The following COPA variants were observed in gnomAD, a reference collection of about 807,000 sequenced individuals.
COPA encodes coat protein complex I subunit alpha.
COPA carries 10 observed loss-of-function variants against 158.7 expected under a neutral mutation model. The observed-to-expected ratio is 0.06, with a 90% CI of 0.04 to 0.11. The LOEUF (loss-of-function observed/expected upper bound fraction) is 0.11. Ranked by LOEUF, COPA falls within the 10% of genes least tolerant of loss-of-function variation. COPA has a pLI of 1.00. For synonymous variants in COPA, 462 were observed against 542.8 expected (o/e 0.85, Z 2.07); for missense variants, 1,065 against 1,536.7 (o/e 0.69, Z 5.13).
In COPA at chr1:160,306,533, TG is replaced by T. The variant is rs763728644; in HGVS notation, c.1303-41del. 8.7e-6 allele frequency: 14 copies of T among 1,610,224 alleles called. No homozygotes were observed. The South Asian group carries it at 1.5e-4, about 18-fold the overall frequency. Reference sequence around the variant, plus strand: ...AAAGATGGGGTTAAGAGAAGAAATGTGTATAGATGATGATGACAACTGATGA... The same window carrying T: ...AAAGATGGGGTTAAGAGAAGAAATGTTATAGATGATGATGACAACTGATGA... On this transcript the variant is annotated intron_variant, in intron 14 of 32. Coordinates refer to ENST00000241704, the MANE Select transcript of COPA (RefSeq NM_004371.4).
intron 3 of COPA, among the ~76,000 whole-genome samples, chr1:160,335,894 A>C (rs1042787766): frequency 5.3e-5 from 8 of 151,700 alleles, no homozygotes; most frequent in Non-Finnish European, 1.5e-5. Context: ...AAAAAAAAAA[A>C]AAAAAAAAAA....
intron 17 of COPA, among the ~76,000 whole-genome samples, chr1:160,301,158 T>TA (rs891886011): frequency 1.3e-5 from 2 of 151,208 alleles, no homozygotes; most frequent in African/African-American, 2.4e-5. Flanking sequence ...TCAAAAAAAA[T>TA]AAAAAATAAA....
intron 23 of COPA, 38 bp downstream of exon 23, chr1:160,295,698 C>T (rs753605757): frequency 6.4e-7 from 1 of 1,561,054 alleles, no homozygotes; most frequent in Non-Finnish European, 8.6e-7. Context: ...CTTCACAAAA[C>T]AAACAACAAA....
At chr1:160,301,953 C>T (rs1658619853) in intron 17 of COPA, among the ~76,000 whole-genome samples, 1 of 151,698 alleles carries the variant, frequency 6.6e-6, no homozygotes, top group African/African-American at 2.4e-5. Flanking sequence ...ATAATTCTAA[C>T]ACACTGAAAG....
chr1:160,338,445 A>G (rs904779559), intron 3 of COPA, among the ~76,000 whole-genome samples: 1 of 152,206 alleles, frequency 6.6e-6, no homozygotes, highest in Non-Finnish European at 1.5e-5. Context: ...TTGCTTATGA[A>G]AAGACTTTAC....
chr1:160,318,697 CA>C (rs1490280353), intron 8 of COPA, among the ~76,000 whole-genome samples: 2 of 151,818 alleles, frequency 1.3e-5, no homozygotes, highest in Admixed American at 1.3e-4. Context: ...AAGAGATAGT[CA>C]AAAAGGCAGG....
chr1:160,320,757 A>G (rs1198118475), intron 8 of COPA, among the ~76,000 whole-genome samples: 3 of 149,768 alleles, frequency 2.0e-5, no homozygotes, highest in Non-Finnish European at 3.0e-5. Context: ...TCTACCAAAC[A>G]TTTAAAGAAT....
At chr1:160,342,070 C>T (rs1648094147) in intron 1 of COPA, among the ~76,000 whole-genome samples, 1 of 151,772 alleles carries the variant, frequency 6.6e-6, no homozygotes, top group Admixed American at 6.6e-5. Flanking sequence ...TGATAACAAC[C>T]TCCAGTTTTT....
intron 13 of COPA, among the ~76,000 whole-genome samples, chr1:160,308,777 A>G (rs1658872593): frequency 6.6e-6 from 1 of 152,238 alleles, no homozygotes; most frequent in Non-Finnish European, 1.5e-5. Flanking sequence ...TTGGAACCAC[A>G]TTTTTAAATA....
chr1:160,308,175 T>C (rs180935711), intron 13 of COPA, among the ~76,000 whole-genome samples: 80 of 69,298 alleles, frequency 1.2e-3, no homozygotes, highest in African/African-American at 4.8e-3. Flanking sequence ...TAAACACAGA[T>C]GGGGAAAAAA....
intron 6 of COPA, among the ~76,000 whole-genome samples, chr1:160,326,506 G>A (rs1647222118): frequency 6.6e-6 from 1 of 152,186 alleles, no homozygotes; most frequent in African/African-American, 2.4e-5. Flanking sequence ...TCCAGCCTGG[G>A]TGACATTGAG....
At chr1:160,313,341 G>GGA (rs1404936558) in intron 9 of COPA, among the ~76,000 whole-genome samples, 174 bp from the exon 10 acceptor site, 5 of 152,114 alleles carry the variant, frequency 3.3e-5, no homozygotes, top group Admixed American at 6.5e-5. Flanking sequence ...AACAAAAAGA[G>GGA]GAGACTTCAA....
chr1:160,338,596 A>AG (rs1393605541), intron 3 of COPA, among the ~76,000 whole-genome samples: 1 of 152,162 alleles, frequency 6.6e-6, no homozygotes, highest in Non-Finnish European at 1.5e-5. Context: ...TATGATAGTC[A>AG]GTTGTCTTTA....
In COPA at chr1:160,294,879, C is replaced by A. The variant is rs531878200; in HGVS notation, c.2477-22G>T. ...TTCCCTACAGAGGGAAGGAACAGAA[C>A]GGAACTGGTTATAGTCCAGCAAGTC... On this transcript the variant is annotated intron_variant, in intron 23 of 32. Transcript: ENST00000241704. The A allele has an allele frequency of 3.1e-6, 5 of 1,607,764 alleles. No homozygotes were observed. In the East Asian group the frequency reaches 1.1e-4, roughly 36 times the overall value.
intron 17 of COPA, among the ~76,000 whole-genome samples, chr1:160,302,151 T>C (rs1424067025): frequency 6.6e-6 from 1 of 152,128 alleles, no homozygotes; most frequent in Non-Finnish European, 1.5e-5. Context: ...AAATAAATCC[T>C]GGAATTGATA....
chr1:160,292,768 TTAAAG>T, intron 27 of COPA, 148 bp from the exon 28 acceptor site: 3 of 640,710 alleles, frequency 4.7e-6, no homozygotes, highest in Non-Finnish European at 8.0e-6. Flanking sequence ...ATGATACCTA[TTAAAG>T]TATTTAGGAT....
intron 10 of COPA, among the ~76,000 whole-genome samples, chr1:160,312,594 G>T (rs189198599): frequency 6.6e-6 from 1 of 152,178 alleles, no homozygotes; most frequent in East Asian, 1.9e-4. Flanking sequence ...CCTTCCAATG[G>T]CTTTCCATGT....
chr1:160,305,819 T>C (rs1658768661), intron 15 of COPA, 46 bp from the exon 16 acceptor site: 5 of 1,513,874 alleles, frequency 3.3e-6, no homozygotes, highest in Non-Finnish European at 4.6e-6. Context: ...CTATTTCCCT[T>C]GTCTCAGGCT....
intron 30 of COPA, 74 bp from the exon 31 acceptor site, chr1:160,291,570 A>T: frequency 6.5e-7 from 1 of 1,531,914 alleles, no homozygotes; most frequent in Non-Finnish European, 8.9e-7. Context: ...GCTGCTACAC[A>T]TGCATAAAAA....
Sources: allele counts gnomAD v4.1 joint callset (sites outside exome capture counted in the v4.1 genomes callset), GRCh38; gene constraint gnomAD v4.1.1; transcripts MANE v1.5; gene names NCBI Gene and HGNC (gene_info 2026-07-23, HGNC 2026-07-21).